GCNA: variants seen among roughly 807,000 people sequenced by gnomAD.
GCNA encodes germ cell nuclear acidic peptidase.
A neutral mutation model predicts 38.8 loss-of-function variants in GCNA; 3 were observed. That is an observed-to-expected ratio of 0.08 (90% confidence interval 0.04 to 0.20). The LOEUF is 0.20. Among genes scored for constraint, GCNA ranks in the 10% least tolerant of loss-of-function variants. GCNA has a pLI of 1.00. For synonymous variants in GCNA, 195 were observed against 240.2 expected, an observed-to-expected ratio of 0.81 and a Z score of 1.74; for missense variants, 446 against 578.6, an observed-to-expected ratio of 0.77 and a Z score of 2.35.
chrX:71,595,305 AG>A (rs970701152), intron 6 of GCNA, among the ~76,000 whole-genome samples: 4 of 111,403 alleles, frequency 3.6e-5, no homozygotes, highest in East Asian at 2.8e-4. Flanking sequence ...CATGTTTTTC[AG>A]GCTTGTCTTG....
At position 71,593,337 on chromosome X, in the gene GCNA, G is replaced by C. The variant is rs770693553; in HGVS notation, c.140+767G>C. Among the ~76,000 whole-genome samples the C allele has an allele frequency of 1.5e-4, 17 of 111,812 alleles. 1 individual carries two copies. The highest frequency in any genetic ancestry group is 7.6e-4 in the Admixed American group (8 of 10,554). On this transcript the variant is annotated intron_variant, in intron 4 of 12. Coordinates refer to ENST00000373696, the MANE Select transcript of GCNA (RefSeq NM_052957.5). ...TATGATGTAGCCAGGCGCCACATTG[G>C]AGGAGTGGCAGTGGCGGTGAAGTGG...
intron 6 of GCNA, among the ~76,000 whole-genome samples, chrX:71,596,189 CT>C (rs1342174679): frequency 2.7e-5 from 3 of 111,614 alleles, no homozygotes; most frequent in African/African-American, 9.8e-5. Flanking sequence ...GCACCCCAGC[CT>C]GGGTGGGAGT....
rs1429597562 is a variant in GCNA, at chrX:71,604,393, G to A, written c.1116G>A (p.Glu372=). 8.3e-7 allele frequency: 1 copy of A among 1,210,001 alleles called. No individual in the cohort carries two copies. Among genetic ancestry groups the A allele is most frequent in the African/African-American group, 1.7e-5 (1 of 57,277 alleles). ...ATGATTCATCTGATGATGCTGGTGA[G>A]CAGGATCTTGGTGAGAATCTCAGCA... ...SQHDSSDDAG[E]QDLGENLSKP... Residue 372 remains glutamate, a synonymous_variant, in exon 8 of 13, where the codon GAG becomes GAA. Transcript: ENST00000373696.
At chrX:71,578,714 TG>T (rs2040520005) in intron 1 of GCNA, among the ~76,000 whole-genome samples, 192 bp downstream of exon 1, 1 of 86,403 alleles carries the variant, frequency 1.2e-5, no homozygotes, top group South Asian at 5.0e-4. Flanking sequence ...TTGGGGGAGG[TG>T]GGGGCGCCCA....
At chrX:71,581,599 G>A (rs2040547176) in intron 2 of GCNA, among the ~76,000 whole-genome samples, 2 of 112,161 alleles carry the variant, frequency 1.8e-5, no homozygotes, top group African/African-American at 6.5e-5. Context: ...AATCAATGGG[G>A]AAAAATATGG....
chrX:71,603,775 G>C lies in GCNA; in HGVS notation c.498G>C (p.Ser166=). 1 of 1,209,175 alleles carries C rather than the reference G, an allele frequency of 8.3e-7. No individual in the cohort carries two copies. The highest frequency in any genetic ancestry group is 1.1e-6 in the Non-Finnish European group (1 of 894,690). ...CTCCTGACGACAACAGTGATGATTC[G>C]GAAGCTCCCGACGACAACAGTGATG... The part of the protein sequence containing the change: ...SEAPDDNSDD[S]EAPDDNSDDS... The change falls in exon 8 of 13, where the codon TCG becomes TCC. Residue 166 remains serine (S), a synonymous_variant. Transcript: ENST00000373696.
In GCNA at chrX:71,609,122, G is replaced by A. The variant is rs143570186; in HGVS notation, c.1611+5G>A. On this transcript the variant is annotated splice_donor_5th_base_variant and intron_variant, in intron 10 of 12. Transcript: ENST00000373696. ...AGATCCGTCTGTGATAAAAAGGTAG[G>A]ATCAATGAATGAGCACTGATTGAGC... The A allele has an allele frequency of 5.1e-3, 6,118 of 1,204,065 alleles. 350 individuals carry two copies. The Admixed American group carries it at 0.13, about 25-fold the overall frequency.
chrX:71,603,135 A>C (rs758012693), intron 7 of GCNA, among the ~76,000 whole-genome samples: 1 of 111,276 alleles, frequency 9.0e-6, no homozygotes, highest in African/African-American at 3.3e-5. Context: ...CCATTGGCCT[A>C]TGTTGTCTGT....
In GCNA at chrX:71,604,671, C is replaced by A; in HGVS notation, c.1394C>A (p.Thr465Lys). The A allele has an allele frequency of 8.3e-7, 1 of 1,208,911 alleles. No homozygotes were observed. The highest frequency in any genetic ancestry group is 1.1e-6 in the Non-Finnish European group (1 of 894,447). ...GCGAAAACCAAAAATGTATCTGTGA[C>A]ACCTGGTAAGCCAGTCATGCCAAGT... is the stretch of plus-strand genomic sequence containing the variant. ...RKAKTKNVSV[T>K]PGHKKRGPSK... The change falls in exon 8 of 13, where the codon ACA (threonine) becomes AAA (lysine). Residue 465 changes from threonine to lysine, a missense_variant. Around this residue, in one of 7 missense-constraint regions of GCNA, gnomAD observed 160 missense variants for 165.2 expected, o/e 0.97. Transcript: ENST00000373696.
chrX:71,593,604 G>A (rs1310352963), intron 4 of GCNA, among the ~76,000 whole-genome samples: 7 of 104,131 alleles, frequency 6.7e-5, no homozygotes, highest in Non-Finnish European at 1.2e-4. Flanking sequence ...CCCCAGCATC[G>A]TGGCTCACTG....
chrX:71,592,010 A>G, intron 2 of GCNA, 112 bp from the exon 3 acceptor site: 1 of 656,229 alleles, frequency 1.5e-6, no homozygotes, highest in African/African-American at 2.2e-5. Flanking sequence ...CCTTTTTTGC[A>G]TTTCAGGAAT....
At chrX:71,585,740 T>C (rs1336317510) in intron 2 of GCNA, among the ~76,000 whole-genome samples, 2 of 107,093 alleles carry the variant, frequency 1.9e-5, no homozygotes, top group Non-Finnish European at 3.8e-5. Flanking sequence ...TTCACATAGA[T>C]GGGCATATAT....
At chrX:71,598,862 A>G (rs1281180361) in intron 7 of GCNA, among the ~76,000 whole-genome samples, 1 of 111,061 alleles carries the variant, frequency 9.0e-6, no homozygotes, top group African/African-American at 3.3e-5. Flanking sequence ...ACTTTTTTGG[A>G]GACAGTCTCG....
In GCNA at chrX:71,598,049, A is replaced by G. The variant is rs781354493; in HGVS notation, c.310+11A>G. The G allele has an allele frequency of 2.6e-6, 3 of 1,170,377 alleles. No individual in the cohort carries two copies. The highest frequency in any genetic ancestry group is 5.9e-5 in the East Asian group (2 of 33,654). ...AAATAAACAGCGACGGCAAGTATAT[A>G]TTACTTTGTTAGATAAGTAGCTGAG... On this transcript the variant is annotated intron_variant, in intron 7 of 12. Transcript: ENST00000373696.
intron 9 of GCNA, among the ~76,000 whole-genome samples, chrX:71,607,270 G>A (rs1478667382): frequency 2.7e-5 from 3 of 112,271 alleles, no homozygotes; most frequent in Non-Finnish European, 5.6e-5. Flanking sequence ...AGAAATGTTT[G>A]AGTCCCCCAT....
chrX:71,593,741 C>T (rs1019331386), intron 4 of GCNA, among the ~76,000 whole-genome samples: 1 of 102,416 alleles, frequency 9.8e-6, no homozygotes, highest in Non-Finnish European at 2.0e-5. Context: ...ACACCCTTAA[C>T]GGGGACCTCC....
chrX:71,604,543 G>A lies in GCNA; in HGVS notation c.1266G>A (p.Glu422=), dbSNP rs2040751959. The change falls in exon 8 of 13, where the codon GAG becomes GAA. Residue 422 remains glutamate (E), a synonymous_variant. Transcript: ENST00000373696. ...KRKSKTKTIV[E]PPRKRQTKTK... is the part of the protein sequence containing the mutation. ...AGTCAAAAACCAAAACTATTGTGGA[G>A]CCACCGAGGAAAAGGCAGACAAAGA... 6 of 1,192,837 alleles carry A rather than the reference G, an allele frequency of 5.0e-6. No homozygotes were observed. The highest frequency in any genetic ancestry group is 6.8e-6 in the Non-Finnish European group (6 of 885,696).
chrX:71,603,819 A>C lies in GCNA; in HGVS notation c.542A>C (p.Asp181Ala), dbSNP rs760520564. ...DNSDDSEAPD[D>A]NSDDSDVPDD... is the part of the protein sequence containing the mutation. ...AGTGATGATTCGGAAGCTCCCGACG[A>C]CAATAGTGATGATTCGGATGTTCCC... The change falls in exon 8 of 13, where the codon GAC becomes GCC. Residue 181 changes from aspartate to alanine, a missense_variant. Transcript: ENST00000373696. 2 of 1,210,081 alleles carry C rather than the reference A, an allele frequency of 1.7e-6. No individual in the cohort carries two copies. Among genetic ancestry groups the C allele is most frequent in the South Asian group, 3.5e-5 (2 of 56,786 alleles).
intron 9 of GCNA, among the ~76,000 whole-genome samples, chrX:71,606,643 G>A (rs1219550306): frequency 8.9e-6 from 1 of 111,889 alleles, no homozygotes; most frequent in Non-Finnish European, 1.9e-5. Flanking sequence ...AGACTGATGT[G>A]TCAGGCATAG....
Sources: gnomAD v4.1 joint callset for allele counts (sites outside exome capture counted in the v4.1 genomes callset) on GRCh38, gnomAD v4.1.1 for gene constraint, gnomAD v4.1.1 regional missense constraint, MANE v1.5 for transcripts, NCBI Gene and HGNC (gene_info 2026-07-23, HGNC 2026-07-21) for gene names.